Variants in ARK2C observed in about 807,000 individuals in gnomAD.
ARK2C encodes the protein E3 ubiquitin-protein ligase ARK2C.
the ARK2C span, among the ~76,000 whole-genome samples, chr18:46,372,198 G>C: frequency 6.6e-6 from 1 of 152,178 alleles, no homozygotes; most frequent in African/African-American, 2.4e-5. Context: ...GGCACTGAAG[G>C]GTCCTCCCTG....
At chr18:46,375,553 CTAATAATAATAATAATAA>C in the ARK2C span, among the ~76,000 whole-genome samples, 19 of 137,870 alleles carry the variant, frequency 1.4e-4, no homozygotes, top group Admixed American at 3.7e-4. Context: ...GACTCTGTCT[CTAATAATAATAATAATAA>C]TAATAATAAT....
At chr18:46,407,556 T>G in the ARK2C span, among the ~76,000 whole-genome samples, 1 of 152,328 alleles carries the variant, frequency 6.6e-6, no homozygotes, top group South Asian at 2.1e-4. Context: ...TGTTTAGTGT[T>G]TTTTTGTTTT....
At chr18:46,353,552 G>A in the ARK2C span, among the ~76,000 whole-genome samples, 10 of 152,268 alleles carry the variant, frequency 6.6e-5, no homozygotes, top group African/African-American at 2.2e-4. Flanking sequence ...CACTGTCACT[G>A]GTAAGGGATG....
the ARK2C span, among the ~76,000 whole-genome samples, chr18:46,445,576 G>A: frequency 4.6e-5 from 7 of 152,096 alleles, no homozygotes; most frequent in Admixed American, 1.3e-4. Context: ...CCAAATCATG[G>A]TACCACAACT....
chr18:46,401,045 A>G, the ARK2C span, among the ~76,000 whole-genome samples: 4 of 152,138 alleles, frequency 2.6e-5, no homozygotes, highest in Non-Finnish European at 5.9e-5. Context: ...CCCCCTCCCC[A>G]TAAGTGAGCA....
chr18:46,412,010 G>A, the ARK2C span, among the ~76,000 whole-genome samples: 34 of 152,358 alleles, frequency 2.2e-4, no homozygotes, highest in African/African-American at 8.2e-4. Context: ...GATCTGACTT[G>A]CAGCAGGCAG....
the ARK2C span, among the ~76,000 whole-genome samples, chr18:46,397,191 T>C: frequency 3.3e-5 from 5 of 152,278 alleles, no homozygotes; most frequent in Admixed American, 3.3e-4. Context: ...TGGCCTTAGG[T>C]AGATGTCATG....
the ARK2C span, among the ~76,000 whole-genome samples, chr18:46,372,255 G>A: frequency 2.0e-5 from 3 of 148,820 alleles, no homozygotes; most frequent in Admixed American, 6.7e-5. Flanking sequence ...GTATTCTGGA[G>A]AGAGCCCAGT....
the ARK2C span, chr18:46,337,090 G>C: frequency 1.0e-6 from 1 of 985,214 alleles, no homozygotes; most frequent in Non-Finnish European, 1.2e-6. Context: ...TCGCCAGCCA[G>C]ACCTGCTTGA....
the ARK2C span, chr18:46,334,349 C>T: frequency 2.0e-5 from 31 of 1,580,880 alleles, no homozygotes; most frequent in East Asian, 7.3e-4. The surrounding 1 kb of genome is among the most constrained non-coding windows in gnomAD (Gnocchi z 4.4). Flanking sequence ...TCGCTTTTTC[C>T]TTTCGGGGTC....
chr18:46,358,704 C>T, the ARK2C span, among the ~76,000 whole-genome samples: 1 of 152,144 alleles, frequency 6.6e-6, no homozygotes, highest in Non-Finnish European at 1.5e-5. Flanking sequence ...TTCCAGACCC[C>T]CAGGAACACC....
chr18:46,379,758 CCA>C, the ARK2C span, among the ~76,000 whole-genome samples: 1 of 152,216 alleles, frequency 6.6e-6, no homozygotes, highest in African/African-American at 2.4e-5. Flanking sequence ...GACTTCAGGA[CCA>C]CAGACAGGGG....
the ARK2C span, among the ~76,000 whole-genome samples, chr18:46,418,378 A>G: frequency 6.6e-6 from 1 of 152,234 alleles, no homozygotes; most frequent in East Asian, 1.9e-4. Context: ...TGAAAATGGG[A>G]AATCAATTGT....
At chr18:46,441,503 T>C in the ARK2C span, among the ~76,000 whole-genome samples, 34 of 152,392 alleles carry the variant, frequency 2.2e-4, no homozygotes, top group East Asian at 6.2e-3. Context: ...GCTCCCTCTT[T>C]CATTCCTCAT....
chr18:46,364,503 G>A, the ARK2C span, among the ~76,000 whole-genome samples: 31 of 151,890 alleles, frequency 2.0e-4, 1 homozygote, highest in Admixed American at 9.2e-4. Context: ...TCGTGATGCC[G>A]ACAGACAAGG....
the ARK2C span, among the ~76,000 whole-genome samples, chr18:46,451,392 T>A: frequency 1.8e-4 from 28 of 152,274 alleles, no homozygotes; most frequent in East Asian, 3.9e-4. Flanking sequence ...ATTTTTTTTT[T>A]AATTAAAATA....
the ARK2C span, among the ~76,000 whole-genome samples, chr18:46,408,411 C>T: frequency 6.6e-6 from 1 of 152,208 alleles, no homozygotes; most frequent in African/African-American, 2.4e-5. Flanking sequence ...GGCACACGCA[C>T]CTGCGATGAC....
At chr18:46,388,664 T>C in the ARK2C span, among the ~76,000 whole-genome samples, 1 of 152,044 alleles carries the variant, frequency 6.6e-6, no homozygotes, top group African/African-American at 2.4e-5. Context: ...CCTCAAGACA[T>C]GAAGAAGGGG....
the ARK2C span, chr18:46,334,715 T>TGAGA: frequency 5.5e-4 from 69 of 124,424 alleles, no homozygotes; most frequent in African/African-American, 2.2e-3. This position sits in a 1 kb window ranked among gnomAD's most constrained non-coding sequence, Gnocchi z 4.4. Flanking sequence ...TGTGTGTGTG[T>TGAGA]GAGAGAGAGA....
Sources: allele counts gnomAD v4.1 joint callset (sites outside exome capture counted in the v4.1 genomes callset), GRCh38; gene constraint gnomAD v4.1.1; non-coding constraint Gnocchi (gnomAD v3.1); transcripts MANE v1.5; gene names NCBI Gene and HGNC (gene_info 2026-07-23, HGNC 2026-07-21).